The following ABCE1 variants were observed in gnomAD, a reference collection of about 807,000 sequenced individuals.
The protein encoded by ABCE1 is ATP binding cassette subfamily E member 1, also known as ATP-binding cassette sub-family E member 1.
A neutral mutation model predicts 83.4 loss-of-function variants in ABCE1; 22 were observed. That is an observed-to-expected ratio of 0.26 (90% CI 0.19 to 0.38). The LOEUF is 0.38. Ranked by LOEUF, ABCE1 falls within the 10% of genes least tolerant of loss-of-function variation. The pLI, the probability that ABCE1 is intolerant of heterozygous loss-of-function variation, is 1.00. For synonymous variants in ABCE1, 204 were observed against 233.7 expected, an observed-to-expected ratio of 0.87 and a Z score of 1.16; for missense variants, 330 against 721.9, an observed-to-expected ratio of 0.46 and a Z score of 6.22.
chr4:145,128,527 A>AAAG lies in ABCE1; in HGVS notation c.*955_*957dup, dbSNP rs1228354688. On this transcript the variant is annotated 3_prime_UTR_variant, in exon 18 of 18. Transcript: ENST00000296577. ...TGCAAAAGTCCCCAGATGGCAATAC[A>AAAG]AAGTATCCCCTGGTACCACATATAT... 6.6e-6 allele frequency: 1 copy of AAAG among 152,190 alleles called. No individual in the cohort carries two copies. Among genetic ancestry groups the AAAG allele is most frequent in the African/African-American group, 2.4e-5 (1 of 41,436 alleles). 9.4% of individuals were successfully genotyped at this position (152,190 alleles called of 1,614,324 possible).
chr4:145,117,840 T>A (rs536681643), intron 10 of ABCE1, among the ~76,000 whole-genome samples: 52 of 151,990 alleles, frequency 3.4e-4, no homozygotes, highest in Admixed American at 1.1e-3. Flanking sequence ...TTTTTGGAAC[T>A]AAGGCTATCT....
At chr4:145,115,507 GACC>G (rs1367616433) in intron 9 of ABCE1, among the ~76,000 whole-genome samples, 1 of 151,634 alleles carries the variant, frequency 6.6e-6, no homozygotes, top group Non-Finnish European at 1.5e-5. Context: ...TTTCATCTTA[GACC>G]TGCTCTTATT....
At chr4:145,111,669 G>A (rs894817045) in intron 8 of ABCE1, among the ~76,000 whole-genome samples, 5 of 152,130 alleles carry the variant, frequency 3.3e-5, no homozygotes, top group Non-Finnish European at 4.4e-5. Flanking sequence ...TCTCCAGCCA[G>A]GCTAGCAAGC....
In ABCE1 at chr4:145,123,026, T is replaced by G; in HGVS notation, c.1269T>G (p.Ser423Arg). 6.4e-7 allele frequency: 1 copy of G among 1,573,118 alleles called. No homozygotes were observed. The highest frequency in any genetic ancestry group is 8.6e-7 in the Non-Finnish European group (1 of 1,161,414). The stretch of plus-strand genomic sequence containing the variant: ...CTTTTTTATATTAAAAACAGGGAAG[T>G]GTTCGCCAGTTACTACATGAAAAGA... ...PQKISPKSTGSVRQLLHEKIR... is the reference protein window; with the variant it reads ...PQKISPKSTGRVRQLLHEKIR... Residue 423 changes from serine to arginine, a missense_variant, in exon 14 of 18, where the codon AGT (serine) becomes AGG (arginine). Transcript: ENST00000296577.
At chr4:145,103,069 G>A (rs1749195744) in intron 1 of ABCE1, among the ~76,000 whole-genome samples, 1 of 152,156 alleles carries the variant, frequency 6.6e-6, no homozygotes, top group Admixed American at 6.5e-5. Flanking sequence ...GAGTGATCTG[G>A]TGGTCACTAC....
At chr4:145,123,658 T>TAA in intron 16 of ABCE1, 58 bp downstream of exon 16, 1 of 1,477,226 alleles carries the variant, frequency 6.8e-7, no homozygotes, top group South Asian at 1.3e-5. Context: ...CAGTAAATAG[T>TAA]AAAGTCACTC....
In ABCE1 at chr4:145,127,542, A is replaced by G; in HGVS notation, c.1769A>G (p.Lys590Arg). The G allele has an allele frequency of 6.3e-7, 1 of 1,580,576 alleles. No individual in the cohort carries two copies. The highest frequency in any genetic ancestry group is 8.6e-7 in the Non-Finnish European group (1 of 1,169,512). Residue 590 changes from lysine (K) to arginine (R), a missense_variant, in exon 18 of 18, where the codon AAG (lysine) becomes AGG (arginine). Lys to Arg is a conservative substitution (Grantham distance 26, BLOSUM62 2). Coordinates refer to ENST00000296577, the MANE Select transcript of ABCE1 (RefSeq NM_002940.3). ...CTTTTTTAGGATGTAGAACAAAAGAAGAGTGGAAACTACTTTTTCTTGGAT... is the reference window on the plus strand; with the variant it reads ...CTTTTTTAGGATGTAGAACAAAAGAGGAGTGGAAACTACTTTTTCTTGGAT... Reference protein sequence around the residue: ...LNSIKDVEQKKSGNYFFLDD With the variant: ...LNSIKDVEQKRSGNYFFLDD
At chr4:145,113,727 C>A (rs1320159714) in intron 9 of ABCE1, among the ~76,000 whole-genome samples, 2 of 151,942 alleles carry the variant, frequency 1.3e-5, no homozygotes, top group Non-Finnish European at 2.9e-5. Flanking sequence ...GGATATAATG[C>A]TACTAAAAAA....
intron 13 of ABCE1, 167 bp downstream of exon 13, chr4:145,121,558 C>T (rs1749744843): frequency 1.7e-6 from 1 of 580,606 alleles, no homozygotes; most frequent in African/African-American, 1.9e-5. Flanking sequence ...ATATCCACTG[C>T]TAAGAAAGTG....
chr4:145,107,734 C>G (rs963842783), intron 3 of ABCE1, among the ~76,000 whole-genome samples: 8 of 152,204 alleles, frequency 5.3e-5, no homozygotes, highest in African/African-American at 1.9e-4. Context: ...TACTCAGGTG[C>G]TCCAGGGCTG....
At chr4:145,104,590 G>A (rs1262597842) in intron 2 of ABCE1, 75 bp downstream of exon 2, 62 of 956,270 alleles carry the variant, frequency 6.5e-5, no homozygotes, top group Non-Finnish European at 8.7e-5. Context: ...AATTCTTTAC[G>A]GACATTAACA....
At chr4:145,116,645 A>G (rs1749613418) in intron 9 of ABCE1, among the ~76,000 whole-genome samples, 1 of 152,002 alleles carries the variant, frequency 6.6e-6, no homozygotes, top group African/African-American at 2.4e-5. Flanking sequence ...ACTTGCGTCT[A>G]AAACTTCTAT....
At chr4:145,106,146 T>C (rs1749296834) in intron 3 of ABCE1, among the ~76,000 whole-genome samples, 1 of 151,972 alleles carries the variant, frequency 6.6e-6, no homozygotes, top group African/African-American at 2.4e-5. Context: ...ATTAATAGTT[T>C]TTGTTGCCTT....
At chr4:145,105,118 AT>A (rs1749262105) in intron 2 of ABCE1, among the ~76,000 whole-genome samples, 1 of 152,042 alleles carries the variant, frequency 6.6e-6, no homozygotes, top group African/African-American at 2.4e-5. Flanking sequence ...CTCCTTTGCT[AT>A]TCAGAAATTC....
intron 10 of ABCE1, among the ~76,000 whole-genome samples, chr4:145,118,563 G>A (rs1749664129): frequency 6.6e-6 from 1 of 151,596 alleles, no homozygotes; most frequent in South Asian, 2.1e-4. Flanking sequence ...TATGTATTGA[G>A]TACCTTACTC....
chr4:145,117,262 A>G lies in ABCE1; in HGVS notation c.801-31A>G, dbSNP rs760923209. 12 of 1,566,006 alleles carry G rather than the reference A, an allele frequency of 7.7e-6. No homozygotes were observed. In the African/African-American group the frequency reaches 9.6e-5, roughly 12 times the overall value. On this transcript the variant is annotated intron_variant, in intron 9 of 17. Coordinates refer to ENST00000296577, the MANE Select transcript of ABCE1 (RefSeq NM_002940.3). ...CAACTATTAAAAATAGTTATGTAAG[A>G]GTTTTAACTAAAATCTGGTTTGATT...
rs934985215 is a variant in ABCE1 at position 145,105,757 on chromosome 4, C to T, written c.189+67C>T. ...AACTGAAATCTGAAAATTCTGGATA[C>T]TATGCTATAACTACTTTAAGTGAGG... On this transcript the variant is annotated intron_variant, in intron 3 of 17. Transcript: ENST00000296577. The T allele has an allele frequency of 6.9e-6, 8 of 1,163,184 alleles. No homozygotes were observed. The African/African-American group carries it at 1.2e-4, about 18-fold the overall frequency. 72.1% of individuals were successfully genotyped at this position (1,163,184 alleles called of 1,614,324 possible). A position where few individuals can be genotyped will look rare whatever the true frequency, so the allele number is the denominator to read the frequency against.
rs768809762 is a variant in ABCE1 at position 145,127,528 on chromosome 4, T to C, written c.1755T>C (p.Asp585=). The change falls in exon 18 of 18, where the codon GAT becomes GAC. Residue 585 remains aspartate, a splice_region_variant and synonymous_variant. Transcript: ENST00000296577. ...PRINKLNSIK[D]VEQKKSGNYF... ...GTGGCTTCTGTTTTCTTTTTTAGGATGTAGAACAAAAGAAGAGTGGAAACT... is the reference window on the plus strand; with the variant it reads ...GTGGCTTCTGTTTTCTTTTTTAGGACGTAGAACAAAAGAAGAGTGGAAACT... The C allele has an allele frequency of 1.3e-6, 2 of 1,584,074 alleles. No individual in the cohort carries two copies. Among genetic ancestry groups the C allele is most frequent in the Admixed American group, 1.9e-5 (1 of 51,802 alleles).
intron 4 of ABCE1, 100 bp downstream of exon 4, chr4:145,108,212 C>A: frequency 9.9e-7 from 1 of 1,005,398 alleles, no homozygotes; most frequent in Non-Finnish European, 1.5e-6. Context: ...TGCTATTAAC[C>A]AGTCACTAAA....
Sources: gnomAD v4.1 joint callset for allele counts (sites outside exome capture counted in the v4.1 genomes callset) on GRCh38, gnomAD v4.1.1 for gene constraint, MANE v1.5 for transcripts, NCBI Gene and HGNC (gene_info 2026-07-23, HGNC 2026-07-21) for gene names.